DGKI: variants seen among roughly 807,000 people sequenced by gnomAD.
DGKI encodes diacylglycerol kinase iota.
Under a neutral mutation model 147.5 loss-of-function variants are expected in DGKI, and 55 were observed. The ratio of observed to expected loss-of-function variants is 0.37; its 90% CI spans 0.30 to 0.47. DGKI has a LOEUF of 0.47. Among genes scored for constraint, DGKI ranks in the 20% least tolerant of loss-of-function variants. The pLI is 1.00. For missense variants in DGKI, 1,007 were observed against 1,323.8 expected (o/e 0.76, Z 3.71); for synonymous variants, 469 against 477.1 (o/e 0.98, Z 0.22).
chr7:137,620,109 C>A (rs1820694529), intron 7 of DGKI, among the ~76,000 whole-genome samples, 169 bp from the exon 8 acceptor site: 1 of 152,040 alleles, frequency 6.6e-6, no homozygotes, highest in Non-Finnish European at 1.5e-5. Context: ...TGGGCACACA[C>A]TGAGGACTGA....
chr7:137,800,830 G>C (rs1797181563), intron 1 of DGKI, among the ~76,000 whole-genome samples: 1 of 152,092 alleles, frequency 6.6e-6, no homozygotes, highest in Non-Finnish European at 1.5e-5. Context: ...CCCACCCAAT[G>C]CTCCATCCAA....
At chr7:137,475,649 G>T (rs1815144876) in intron 23 of DGKI, among the ~76,000 whole-genome samples, 1 of 152,102 alleles carries the variant, frequency 6.6e-6, no homozygotes, top group Admixed American at 6.6e-5. Flanking sequence ...GTGACGGAAG[G>T]TCACAAAAAA....
chr7:137,381,643 T>C lies in DGKI; in HGVS notation c.*9577A>G, dbSNP rs1354280223. On this transcript the variant is annotated 3_prime_UTR_variant, in exon 33 of 33. Transcript: ENST00000614521. ...GAGATTGTCCTCTATTCCTTAGTTT[T>C]TCACAAGAATGGTTTTCCTCAGTTT... 1 of 152,024 alleles carries C rather than the reference T, an allele frequency of 6.6e-6. No homozygotes were observed. The highest frequency in any genetic ancestry group is 1.9e-4 in the East Asian group (1 of 5,180). The allele number at this position is 152,024 out of a possible 1,614,324, so 9.4% of individuals were successfully genotyped here.
chr7:137,762,199 G>A (rs1795877250), intron 1 of DGKI, among the ~76,000 whole-genome samples: 1 of 152,132 alleles, frequency 6.6e-6, no homozygotes, highest in Admixed American at 6.5e-5. Context: ...AGTTCCCCAT[G>A]TCTATAACAG....
chr7:137,681,502 A>T (rs1823234853), intron 2 of DGKI, among the ~76,000 whole-genome samples: 1 of 152,244 alleles, frequency 6.6e-6, no homozygotes, highest in South Asian at 2.1e-4. Flanking sequence ...TCCAACTCTA[A>T]GTTATAACCA....
chr7:137,611,428 A>C (rs2128993562), intron 8 of DGKI, among the ~76,000 whole-genome samples: 1 of 152,274 alleles, frequency 6.6e-6, no homozygotes, highest in South Asian at 2.1e-4. Flanking sequence ...TTACCAGGCA[A>C]CTCTATCACA....
rs143167368 is a variant in DGKI, at chr7:137,693,906, T to C, written c.402-3904A>G. ...CCTAAGAAACATCAAAACGGCTTTG[T>C]GTGGTCAACATTAAAATGGAATCCC... On this transcript the variant is annotated intron_variant, in intron 1 of 32. Transcript: ENST00000614521. 6.2e-3 allele frequency among the ~76,000 whole-genome samples: 950 copies of C among 152,340 alleles called. 12 individuals carry two copies. Among genetic ancestry groups the C allele is most frequent in the African/African-American group, 0.022 (903 of 41,574 alleles).
At chr7:137,787,395 G>A (rs994659269) in intron 1 of DGKI, among the ~76,000 whole-genome samples, 1 of 152,148 alleles carries the variant, frequency 6.6e-6, no homozygotes, top group Admixed American at 6.5e-5. Flanking sequence ...TCAGGGAAAT[G>A]CAAATCAAAA....
At chr7:137,518,125 T>G (rs1262071996) in intron 21 of DGKI, among the ~76,000 whole-genome samples, 1 of 152,056 alleles carries the variant, frequency 6.6e-6, no homozygotes, top group Non-Finnish European at 1.5e-5. Context: ...CAGCAGGGCC[T>G]CTCTAACAAC....
intron 2 of DGKI, among the ~76,000 whole-genome samples, chr7:137,681,477 T>C (rs1337437632): frequency 6.6e-6 from 1 of 152,244 alleles, no homozygotes; most frequent in African/African-American, 2.4e-5. Flanking sequence ...AATATTCTAC[T>C]ACTGGGAACT....
rs775960602 is a variant in DGKI at position 137,412,213 on chromosome 7, A to G, written c.2762-6T>C. The G allele has an allele frequency of 3.7e-6, 6 of 1,613,264 alleles. No individual in the cohort carries two copies. In the Middle Eastern group the frequency reaches 4.9e-4, roughly 133 times the overall value. The stretch of plus-strand genomic sequence containing the variant: ...TATTACTGCCTGCAAAATTGCTGTG[A>G]AAGACAAAAGAGAGATGTCCCATTA... On this transcript the variant is annotated splice_region_variant and splice_polypyrimidine_tract_variant and intron_variant, in intron 28 of 32. Transcript: ENST00000614521.
chr7:137,657,284 G>T (rs1400028425), intron 3 of DGKI, among the ~76,000 whole-genome samples: 1 of 152,182 alleles, frequency 6.6e-6, no homozygotes, highest in African/African-American at 2.4e-5. Flanking sequence ...TCACTGATGA[G>T]AAAACTGCCC....
At chr7:137,607,030 T>C (rs1034942363) in intron 10 of DGKI, among the ~76,000 whole-genome samples, 8 of 152,136 alleles carry the variant, frequency 5.3e-5, no homozygotes, top group African/African-American at 1.9e-4. Context: ...GACAGGATGA[T>C]TGATCTCGAG....
At chr7:137,470,439 A>G (rs1814837922) in intron 23 of DGKI, among the ~76,000 whole-genome samples, 1 of 152,154 alleles carries the variant, frequency 6.6e-6, no homozygotes, top group Non-Finnish European at 1.5e-5. Context: ...TTCTCCTTTG[A>G]ACTTTATTTC....
At chr7:137,395,733 G>A in intron 31 of DGKI, 36 bp from the exon 32 acceptor site, 1 of 1,598,062 alleles carries the variant, frequency 6.3e-7, no homozygotes, top group Non-Finnish European at 8.6e-7. Flanking sequence ...CACCCATAAA[G>A]GGGTTGGAGG....
chr7:137,767,953 A>G (rs547605628), intron 1 of DGKI, among the ~76,000 whole-genome samples: 55 of 152,312 alleles, frequency 3.6e-4, no homozygotes, highest in Admixed American at 1.4e-3. Context: ...AGGCAGAAGG[A>G]TCACCTGAAG....
chr7:137,752,307 G>A (rs1159530538), intron 1 of DGKI, among the ~76,000 whole-genome samples: 5 of 151,866 alleles, frequency 3.3e-5, no homozygotes, highest in Non-Finnish European at 7.4e-5. Flanking sequence ...AAAAGGTATC[G>A]ATAGGGGGTC....
chr7:137,470,629 G>A (rs1242015144), intron 23 of DGKI, among the ~76,000 whole-genome samples: 1 of 152,106 alleles, frequency 6.6e-6, no homozygotes, highest in Non-Finnish European at 1.5e-5. Context: ...GTGCAGTGGT[G>A]TGATCATGGC....
At chr7:137,407,735 G>A in intron 30 of DGKI, 140 bp downstream of exon 30, 1 of 1,075,700 alleles carries the variant, frequency 9.3e-7, no homozygotes, top group Non-Finnish European at 1.4e-6. Context: ...CCTCAAATAA[G>A]CAGGGGCAGA....
Sources: gnomAD v4.1 joint callset for allele counts (sites outside exome capture counted in the v4.1 genomes callset) on GRCh38, gnomAD v4.1.1 for gene constraint, MANE v1.5 for transcripts, NCBI Gene and HGNC (gene_info 2026-07-23, HGNC 2026-07-21) for gene names.